Variants in ARHGEF19 observed in about 807,000 individuals in gnomAD.
The protein encoded by ARHGEF19 is Rho guanine nucleotide exchange factor 19, also known as Rho guanine nucleotide exchange factor (GEF) 19.
ARHGEF19 carries 92 observed loss-of-function variants against 87.6 expected under a neutral mutation model. That is an observed-to-expected ratio of 1.05 (90% CI 0.89 to 1.25). ARHGEF19 has a LOEUF of 1.25. ARHGEF19 is among the 50% of genes most tolerant of loss of function. The probability of loss-of-function intolerance (pLI) is 0.00; values close to 1 mark genes in which losing one functional copy is unlikely to be tolerated. For missense variants in ARHGEF19, 1,054 were observed against 1,051.8 expected (o/e 1.00, Z -0.03); for synonymous variants, 438 against 446.2 (o/e 0.98, Z 0.23).
Position 16,206,593 on chromosome 1 carries a change from C to T in ARHGEF19, c.1138-253G>A. ...CGTTCTTCCCAGAGCCCCGCCCACC[C>T]CCCAGGTCCCGCCCCTGATCCTGGC... is the stretch of plus-strand genomic sequence containing the variant. On this transcript the variant is annotated intron_variant, in intron 6 of 15. Coordinates refer to ENST00000270747, the MANE Select transcript of ARHGEF19 (RefSeq NM_153213.5). The surrounding 1 kb of genome is among the most constrained non-coding windows in gnomAD (Gnocchi z 4.6). 1 of 534,114 alleles carries T rather than the reference C, an allele frequency of 1.9e-6. No homozygotes were observed. The highest frequency in any genetic ancestry group is 3.4e-6 in the Non-Finnish European group (1 of 297,490). 33.1% of individuals were successfully genotyped at this position (534,114 alleles called of 1,614,324 possible).
rs2081171338 is a variant in ARHGEF19, at chr1:16,208,838, G to T, written c.217C>A (p.Leu73Ile). The change falls in exon 2 of 16, where the codon CTC (leucine) becomes ATC (isoleucine). Residue 73 changes from leucine (L) to isoleucine (I), a missense_variant. Leu to Ile is a conservative substitution (Grantham distance 5). Transcript: ENST00000270747. The part of the protein sequence containing the change: ...SRWSLGTPAP[L>I]QGLLWPLSPG... ...GATAATGGCCATAGCAACCCTTGGAGAGGGGCAGGGGTCCCCAGGGACCAG... is the reference window on the plus strand; with the variant it reads ...GATAATGGCCATAGCAACCCTTGGATAGGGGCAGGGGTCCCCAGGGACCAG... 6.2e-7 allele frequency: 1 copy of T among 1,611,920 alleles called. No individual in the cohort carries two copies. Among genetic ancestry groups the T allele is most frequent in the East Asian group, 2.2e-5 (1 of 44,858 alleles).
At position 16,206,983 on chromosome 1, in the gene ARHGEF19, C is replaced by G. The variant is rs1464983206; in HGVS notation, c.1102G>C (p.Ala368Pro). The change falls in exon 6 of 16, where the codon GCC becomes CCC. Residue 368 changes from alanine (A) to proline (P), a missense_variant. Transcript: ENST00000270747. This position sits in a 1 kb window ranked among gnomAD's most constrained non-coding sequence, Gnocchi z 4.6. Reference sequence around the variant, plus strand: ...TTGCAGTCCCGCAGGCTCAGCGTGGCCAGGACGCCGCTGCCGCGTACGTCG... The same window carrying G: ...TTGCAGTCCCGCAGGCTCAGCGTGGGCAGGACGCCGCTGCCGCGTACGTCG... ...IPDVRGSGVL[A>P]TLSLRDCKLQ... 2.6e-6 allele frequency: 4 copies of G among 1,513,844 alleles called. No homozygotes were observed. The South Asian group carries it at 3.7e-5, about 14-fold the overall frequency. The allele number at this position is 1,513,844 out of a possible 1,614,324, so 93.8% of individuals were successfully genotyped here.
At position 16,208,102 on chromosome 1, in the gene ARHGEF19, T is replaced by G. The variant is rs758856499; in HGVS notation, c.536A>C (p.Glu179Ala). 6 of 1,613,984 alleles carry G rather than the reference T, an allele frequency of 3.7e-6. No homozygotes were observed. Among genetic ancestry groups the G allele is most frequent in the Non-Finnish European group, 5.1e-6 (6 of 1,180,012 alleles). Residue 179 changes from glutamate to alanine, a missense_variant, in exon 3 of 16, where the codon GAG (glutamate) becomes GCG (alanine). By Grantham distance (107) the Glu-to-Ala change is moderately radical (BLOSUM62 -1). Transcript: ENST00000270747. ...QALSTEEPRVELSGSTRVSLE... is the reference protein window; with the variant it reads ...QALSTEEPRVALSGSTRVSLE... Reference sequence around the variant, plus strand: ...GCTCACTCGGGTGGACCCAGACAACTCCACCCTGGGCTCCTCTGTGCTCAG... The same window carrying G: ...GCTCACTCGGGTGGACCCAGACAACGCCACCCTGGGCTCCTCTGTGCTCAG...
intron 1 of ARHGEF19, among the ~76,000 whole-genome samples, chr1:16,209,629 C>T (rs1038137117): frequency 6.6e-6 from 1 of 152,230 alleles, no homozygotes; most frequent in Non-Finnish European, 1.5e-5. Context: ...CACATTTTTA[C>T]ACAACCGCAT....
At chr1:16,202,864 A>T (rs221040) in intron 12 of ARHGEF19, among the ~76,000 whole-genome samples, 36,939 of 150,852 alleles carry the variant, frequency 0.24, 4,816 homozygotes, top group South Asian at 0.39. Context: ...TTTATTTGTT[A>T]GTTTTTTGGC....
At position 16,204,794 on chromosome 1, in the gene ARHGEF19, GA is replaced by G. The variant is rs2081110541; in HGVS notation, c.1871del (p.Leu624ProfsTer14). The G allele has an allele frequency of 6.2e-7, 1 of 1,611,552 alleles. No individual in the cohort carries two copies. Among genetic ancestry groups the G allele is most frequent in the Non-Finnish European group, 8.5e-7 (1 of 1,178,142 alleles). On this transcript the variant is annotated frameshift_variant, in exon 12 of 16. Transcript: ENST00000270747. LOFTEE classifies it high-confidence loss of function. ...KLSSKAVYLHLFNDCLLLSRR... is the reference protein window; with the variant it reads ...KLSSKAVYLHXFNDCLLLSRR... The stretch of plus-strand genomic sequence containing the variant: ...GAGAGAGCAGCAAGCAGTCATTGAA[GA>G]GGTGGAGGTAGACTGCCTTGCTGGA...
chr1:16,201,546 A>C (rs766385835), intron 14 of ARHGEF19, among the ~76,000 whole-genome samples: 6 of 152,298 alleles, frequency 3.9e-5, no homozygotes, highest in Non-Finnish European at 7.3e-5. Context: ...AACAGGGGTG[A>C]AATGGGAGGC....
Position 16,205,831 on chromosome 1 carries a change from C to T in ARHGEF19, c.1451+100G>A. On this transcript the variant is annotated intron_variant, in intron 8 of 15. Coordinates refer to ENST00000270747, the MANE Select transcript of ARHGEF19 (RefSeq NM_153213.5). The surrounding 1 kb of genome is among the most constrained non-coding windows in gnomAD (Gnocchi z 5.8). ...GTCACAGAGACCTTTTCAGGGACCC[C>T]TCCCCTCCCAGAGTCACCTTACGTC... 6.7e-7 allele frequency: 1 copy of T among 1,500,554 alleles called. No individual in the cohort carries two copies. The allele number at this position is 1,500,554 out of a possible 1,614,324, so 93.0% of individuals were successfully genotyped here. A position where few individuals can be genotyped will look rare whatever the true frequency, so the allele number is the denominator to read the frequency against.
intron 1 of ARHGEF19, among the ~76,000 whole-genome samples, chr1:16,209,875 C>T (rs1385814052): frequency 1.3e-5 from 2 of 152,328 alleles, no homozygotes; most frequent in East Asian, 1.9e-4. Flanking sequence ...GACTGGCAGG[C>T]GGGCCACCAC....
At chr1:16,202,292 G>T in intron 13 of ARHGEF19, 124 bp downstream of exon 13, 1 of 1,365,226 alleles carries the variant, frequency 7.3e-7, no homozygotes, top group African/African-American at 1.5e-5. Flanking sequence ...TTGAGCACTT[G>T]GGGAGGAACA....
chr1:16,204,783 C>T lies in ARHGEF19; in HGVS notation c.1883G>A (p.Cys628Tyr), dbSNP rs772920487. 1.2e-6 allele frequency: 2 copies of T among 1,608,046 alleles called. No homozygotes were observed. The highest frequency in any genetic ancestry group is 1.7e-6 in the Non-Finnish European group (2 of 1,175,672). Residue 628 changes from cysteine to tyrosine, a missense_variant, in exon 12 of 16, where the codon TGC becomes TAC. Physicochemically the swap from Cys to Tyr is radical, Grantham distance 194. Transcript: ENST00000270747. ...KAVYLHLFND[C>Y]LLLSRRKELG... The stretch of plus-strand genomic sequence containing the variant: ...CTCCTTCCGCCGAGAGAGCAGCAAG[C>T]AGTCATTGAAGAGGTGGAGGTAGAC...
At chr1:16,199,314 G>A (rs991773029) in intron 14 of ARHGEF19, 60 bp from the exon 15 acceptor site, 4 of 1,459,644 alleles carry the variant, frequency 2.7e-6, no homozygotes, top group African/African-American at 1.4e-5. Flanking sequence ...GGAGGAGCAT[G>A]GGTAGGGCAG....
In ARHGEF19 at chr1:16,198,515, A is replaced by T. The variant is rs1569693290; in HGVS notation, c.*72T>A. 1.4e-6 allele frequency: 2 copies of T among 1,461,694 alleles called. No homozygotes were observed. The highest frequency in any genetic ancestry group is 4.8e-5 in the East Asian group (2 of 42,018). The allele number at this position is 1,461,694 out of a possible 1,614,324, so 90.5% of individuals were successfully genotyped here. ...CCAGCAGGAGCAGCTTGGGGAATGG[A>T]GACACTGCAGGCCCCTCCAGGACCA... On this transcript the variant is annotated 3_prime_UTR_variant, in exon 16 of 16. Transcript: ENST00000270747. This position sits in a 1 kb window ranked among gnomAD's most constrained non-coding sequence, Gnocchi z 4.1.
chr1:16,211,528 G>T (rs2081196701), intron 1 of ARHGEF19, among the ~76,000 whole-genome samples: 1 of 152,198 alleles, frequency 6.6e-6, no homozygotes, highest in African/African-American at 2.4e-5. Flanking sequence ...AGAGGAGAAG[G>T]CTAGGTGAAT....
intron 1 of ARHGEF19, among the ~76,000 whole-genome samples, chr1:16,211,248 G>C (rs550657144): frequency 1.3e-5 from 2 of 151,946 alleles, no homozygotes; most frequent in Admixed American, 6.6e-5. Context: ...TATATCGCAG[G>C]AGTGTGCACA....
rs2081113131 is a variant in ARHGEF19 at position 16,204,937 on chromosome 1, G to A, written c.1747-18C>T. ...GGGAAAATCTAGAGGGATGGAGAAG[G>A]ATGGGTCAGGCCCAGGGGCACCAGG... On this transcript the variant is annotated intron_variant, in intron 11 of 15. Transcript: ENST00000270747. 6.3e-7 allele frequency: 1 copy of A among 1,592,468 alleles called. No individual in the cohort carries two copies. The highest frequency in any genetic ancestry group is 1.1e-5 in the South Asian group (1 of 87,858).
intron 2 of ARHGEF19, 58 bp from the exon 3 acceptor site, chr1:16,208,283 T>G (rs2081165248): frequency 1.3e-6 from 2 of 1,559,938 alleles, no homozygotes; most frequent in South Asian, 2.3e-5. Flanking sequence ...ACCTCCTCCC[T>G]GCTGCTGCCC....
rs1159777348 is a variant in ARHGEF19, at chr1:16,208,059, C to T, written c.579G>A (p.Arg193=). The T allele has an allele frequency of 6.8e-6, 11 of 1,613,946 alleles. No individual in the cohort carries two copies. The highest frequency in any genetic ancestry group is 2.2e-5 in the East Asian group (1 of 44,878). ...STRVSLEGPE[R]RRFSASELMT... ...TCAGCTCCGATGCCGAGAAGCGCCT[C>T]CGCTCAGGACCTTCGAGGCTCACTC... The change falls in exon 3 of 16, where the codon CGG becomes CGA. Residue 193 remains arginine, a synonymous_variant. Coordinates refer to ENST00000270747, the MANE Select transcript of ARHGEF19 (RefSeq NM_153213.5).
At position 16,207,984 on chromosome 1, in the gene ARHGEF19, C is replaced by CCGGGCTG; in HGVS notation, c.647_653dup (p.Ala219SerfsTer40). On this transcript the variant is annotated frameshift_variant, in exon 3 of 16. Transcript: ENST00000270747. LOFTEE classifies it high-confidence loss of function. The surrounding 1 kb of genome is among the most constrained non-coding windows in gnomAD (Gnocchi z 4.0). ...CGGTGCCTGACCCAGAGATGAGTGC[C>CCGGGCTG]CGGGCTGCTGAATTCCGCCCCAGGC... 1 of 1,612,354 alleles carries CCGGGCTG rather than the reference C, an allele frequency of 6.2e-7. No individual in the cohort carries two copies. The highest frequency in any genetic ancestry group is 8.5e-7 in the Non-Finnish European group (1 of 1,179,860).
Sources: allele counts gnomAD v4.1 joint callset (sites outside exome capture counted in the v4.1 genomes callset), GRCh38; gene constraint gnomAD v4.1.1; non-coding constraint Gnocchi (gnomAD v3.1); transcripts MANE v1.5; gene names NCBI Gene and HGNC (gene_info 2026-07-23, HGNC 2026-07-21).